The following MDGA2 variants were observed in gnomAD, a reference collection of about 807,000 sequenced individuals.
MDGA2 encodes the protein MAM domain containing glycosylphosphatidylinositol anchor 2.
A neutral mutation model predicts 117.8 loss-of-function variants in MDGA2; 40 were observed. The observed-to-expected ratio is 0.34, with a 90% CI of 0.26 to 0.44. The LOEUF (loss-of-function observed/expected upper bound fraction) is 0.44. Among genes scored for constraint, MDGA2 ranks in the 20% least tolerant of loss-of-function variants. MDGA2 has a pLI of 1.00. For missense variants in MDGA2, 1,123 were observed against 1,250.6 expected, an observed-to-expected ratio of 0.90 and a Z score of 1.54; for synonymous variants, 452 against 439.0, an observed-to-expected ratio of 1.03 and a Z score of -0.37.
chr14:47,346,191 C>T (rs1043982518), intron 1 of MDGA2, among the ~76,000 whole-genome samples: 1 of 151,736 alleles, frequency 6.6e-6, no homozygotes. Flanking sequence ...ACTATGTGCC[C>T]CAAAAATATG....
At chr14:46,918,654 G>T (rs1883994480) in intron 10 of MDGA2, among the ~76,000 whole-genome samples, 1 of 151,626 alleles carries the variant, frequency 6.6e-6, no homozygotes, top group African/African-American at 2.4e-5. Flanking sequence ...ACTTAGAGAA[G>T]AATCCAGTAA....
intron 1 of MDGA2, among the ~76,000 whole-genome samples, chr14:47,360,319 CCAGCCTGGGCAA>C (rs1891089655): frequency 6.8e-6 from 1 of 147,406 alleles, no homozygotes; most frequent in South Asian, 2.1e-4. Flanking sequence ...CCATTGCACT[CCAGCCTGGGCAA>C]CAGGAGTGAG....
intron 1 of MDGA2, among the ~76,000 whole-genome samples, chr14:47,652,665 C>T (rs1426849436): frequency 6.6e-6 from 1 of 152,092 alleles, no homozygotes; most frequent in Non-Finnish European, 1.5e-5. Flanking sequence ...TGTAAAACAT[C>T]AGCAAACCAG....
intron 1 of MDGA2, among the ~76,000 whole-genome samples, chr14:47,508,251 T>A (rs527897054): frequency 1.3e-5 from 2 of 152,208 alleles, no homozygotes; most frequent in Non-Finnish European, 2.9e-5. Flanking sequence ...GCTCTATTTT[T>A]ACTATACTGG....
intron 1 of MDGA2, among the ~76,000 whole-genome samples, chr14:47,556,453 A>C (rs1346094451): frequency 1.3e-5 from 2 of 152,186 alleles, no homozygotes; most frequent in Non-Finnish European, 2.9e-5. Flanking sequence ...TTAGAATTCT[A>C]TGTATTTTCC....
intron 9 of MDGA2, among the ~76,000 whole-genome samples, chr14:46,939,848 A>G (rs961640899): frequency 6.6e-6 from 1 of 152,180 alleles, no homozygotes; most frequent in African/African-American, 2.4e-5. Context: ...AGGCTGTCCA[A>G]AGTCCATTTT....
At chr14:47,352,979 G>T (rs1890917004) in intron 1 of MDGA2, among the ~76,000 whole-genome samples, 1 of 152,186 alleles carries the variant, frequency 6.6e-6, no homozygotes. Flanking sequence ...AAAGTTAGGT[G>T]CAGAATAGAC....
At chr14:46,863,572 T>A (rs1248723962) in intron 14 of MDGA2, among the ~76,000 whole-genome samples, 1 of 152,180 alleles carries the variant, frequency 6.6e-6, no homozygotes, top group Admixed American at 6.5e-5. Flanking sequence ...CAGAAGCAGT[T>A]AACTCAATTG....
intron 15 of MDGA2, among the ~76,000 whole-genome samples, chr14:46,849,312 G>C (rs1225131240): frequency 6.6e-6 from 1 of 151,836 alleles, no homozygotes; most frequent in South Asian, 2.1e-4. Flanking sequence ...AATTTCCACA[G>C]TTTTGCTATT....
intron 1 of MDGA2, among the ~76,000 whole-genome samples, chr14:47,310,934 C>A (rs974310431): frequency 1.3e-5 from 2 of 152,100 alleles, no homozygotes; most frequent in African/African-American, 4.8e-5. Flanking sequence ...TTGATCAGGT[C>A]TTTCCCTCCA....
chr14:47,171,602 A>C (rs1397879747), intron 3 of MDGA2, among the ~76,000 whole-genome samples: 1 of 152,234 alleles, frequency 6.6e-6, no homozygotes, highest in Non-Finnish European at 1.5e-5. Context: ...TTTTGAATGC[A>C]TGCTGCTAAT....
At chr14:47,605,887 G>A (rs188949195) in intron 1 of MDGA2, among the ~76,000 whole-genome samples, 1 of 151,958 alleles carries the variant, frequency 6.6e-6, no homozygotes, top group East Asian at 1.9e-4. Flanking sequence ...CCACTCTTTA[G>A]TGTGGCCTTG....
At chr14:46,858,634 AGC>A (rs1881382126) in intron 14 of MDGA2, among the ~76,000 whole-genome samples, 1 of 151,738 alleles carries the variant, frequency 6.6e-6, no homozygotes, top group Non-Finnish European at 1.5e-5. Flanking sequence ...TCACCGTGTT[AGC>A]CAGAATGGTC....
At chr14:46,982,705 C>CAAAAA (rs59530070) in intron 8 of MDGA2, among the ~76,000 whole-genome samples, 5 of 45,934 alleles carry the variant, frequency 1.1e-4, no homozygotes, top group South Asian at 1.1e-3. Context: ...GAGACTCCAT[C>CAAAAA]AAAAAAAAAA....
At chr14:47,196,393 T>C (rs1885289412) in intron 3 of MDGA2, among the ~76,000 whole-genome samples, 1 of 152,166 alleles carries the variant, frequency 6.6e-6, no homozygotes, top group Non-Finnish European at 1.5e-5. Flanking sequence ...AGGTTTTAAA[T>C]ACTGTAAGAT....
intron 4 of MDGA2, among the ~76,000 whole-genome samples, chr14:47,137,971 G>A (rs1334994630): frequency 1.3e-5 from 2 of 152,154 alleles, no homozygotes; most frequent in Admixed American, 6.6e-5. Flanking sequence ...GGGTAATACA[G>A]ATGAAGTCTG....
intron 2 of MDGA2, among the ~76,000 whole-genome samples, chr14:47,265,218 T>C (rs1267206567): frequency 6.6e-6 from 1 of 152,146 alleles, no homozygotes; most frequent in Non-Finnish European, 1.5e-5. Flanking sequence ...ATAAATAATT[T>C]CAAAAGCATT....
In MDGA2 at chr14:47,229,429, A is replaced by T. The variant is rs566385425; in HGVS notation, c.421-11234T>A. ...TTTCTGTGAGACAGAATTGATGCTT[A>T]TCTTTAGTTATTATTTCTAAATTCA... On this transcript the variant is annotated intron_variant, in intron 2 of 16. Coordinates refer to ENST00000399232, the MANE Select transcript of MDGA2 (RefSeq NM_001113498.3). 1.4e-3 allele frequency among the ~76,000 whole-genome samples: 216 copies of T among 152,260 alleles called. 1 individual carries two copies. The highest frequency in any genetic ancestry group is 5.1e-3 in the African/African-American group (211 of 41,584).
intron 9 of MDGA2, among the ~76,000 whole-genome samples, chr14:46,927,033 A>C (rs1884359873): frequency 6.6e-6 from 1 of 152,152 alleles, no homozygotes; most frequent in Non-Finnish European, 1.5e-5. Flanking sequence ...TGAGAGGGAA[A>C]ATGACTGTGA....
Sources: allele counts gnomAD v4.1 joint callset (sites outside exome capture counted in the v4.1 genomes callset), GRCh38; gene constraint gnomAD v4.1.1; transcripts MANE v1.5; gene names NCBI Gene and HGNC (gene_info 2026-07-23, HGNC 2026-07-21).